MYO3A: variants seen among roughly 807,000 people sequenced by gnomAD.
MYO3A encodes myosin IIIA.
Under a neutral mutation model 192.7 loss-of-function variants are expected in MYO3A, and 180 were observed. The ratio of observed to expected loss-of-function variants is 0.93; its 90% confidence interval spans 0.83 to 1.06. MYO3A has a LOEUF of 1.06. Among genes scored for constraint, MYO3A ranks in the 50% least tolerant of loss-of-function variants. MYO3A has a pLI of 0.00. For missense variants in MYO3A, 1,896 were observed against 1,905.0 expected (o/e 1.00, Z 0.09); for synonymous variants, 628 against 645.3 (o/e 0.97, Z 0.41).
chr10:26,165,238 A>T (rs1438865494), intron 26 of MYO3A, among the ~76,000 whole-genome samples: 2 of 152,140 alleles, frequency 1.3e-5, no homozygotes, highest in Non-Finnish European at 2.9e-5. Context: ...TCACCGTGCC[A>T]CCTCAGCCGT....
intron 34 of MYO3A, among the ~76,000 whole-genome samples, chr10:26,207,858 G>A (rs1489259577): frequency 6.6e-6 from 1 of 152,132 alleles, no homozygotes; most frequent in Non-Finnish European, 1.5e-5. Flanking sequence ...GTAGATTGCT[G>A]TGGGTAGTAT....
intron 4 of MYO3A, among the ~76,000 whole-genome samples, chr10:25,985,792 T>C (rs1839616688): frequency 6.6e-6 from 1 of 152,224 alleles, no homozygotes; most frequent in African/African-American, 2.4e-5. Flanking sequence ...CCAATCCTAT[T>C]GATACTATTC....
At chr10:26,056,007 C>T (rs1203674921) in intron 10 of MYO3A, among the ~76,000 whole-genome samples, 1 of 152,170 alleles carries the variant, frequency 6.6e-6, no homozygotes, top group African/African-American at 2.4e-5. Context: ...GCATCAGAAC[C>T]ATACTTAGAT....
In MYO3A at chr10:26,183,480, G is replaced by A. The variant is rs538748838; in HGVS notation, c.4438+6635G>A. 3.2e-4 allele frequency among the ~76,000 whole-genome samples: 48 copies of A among 152,170 alleles called. 1 individual carries two copies. The highest frequency in any genetic ancestry group is 8.4e-4 in the African/African-American group (35 of 41,514). ...GGAGCTTGCAGTGAGCCAAGATTGCGCCACTGCACTCCAGCCTGGGCAACA... is the reference window on the plus strand; with the variant it reads ...GGAGCTTGCAGTGAGCCAAGATTGCACCACTGCACTCCAGCCTGGGCAACA... On this transcript the variant is annotated intron_variant, in intron 31 of 34. Coordinates refer to ENST00000642920, the MANE Select transcript of MYO3A (RefSeq NM_017433.5).
chr10:25,935,010 C>G (rs1189117960), intron 1 of MYO3A, among the ~76,000 whole-genome samples: 1 of 151,998 alleles, frequency 6.6e-6, no homozygotes, highest in Non-Finnish European at 1.5e-5. Context: ...GGTGTCGCCT[C>G]GGAGACCTGT....
chr10:26,182,269 C>T lies in MYO3A; in HGVS notation c.4438+5424C>T, dbSNP rs928211279. On this transcript the variant is annotated intron_variant, in intron 31 of 34. Transcript: ENST00000642920. ...ACCTGGTAGAGGACTTCCACAGCCACATGTGGTAAGACTAGAGTGTCATCT... is the reference window on the plus strand; with the variant it reads ...ACCTGGTAGAGGACTTCCACAGCCATATGTGGTAAGACTAGAGTGTCATCT... Among the ~76,000 whole-genome samples the T allele has an allele frequency of 3.9e-5, 6 of 152,310 alleles. No homozygotes were observed. The East Asian group carries it at 9.6e-4, about 24-fold the overall frequency.
intron 2 of MYO3A, among the ~76,000 whole-genome samples, chr10:25,951,394 C>T (rs1450643568): frequency 2.6e-5 from 4 of 152,002 alleles, no homozygotes; most frequent in African/African-American, 9.7e-5. Flanking sequence ...GGAGAGTAGT[C>T]ACACTTGTAT....
chr10:26,054,855 G>T (rs2131306884), intron 10 of MYO3A, among the ~76,000 whole-genome samples: 1 of 152,344 alleles, frequency 6.6e-6, no homozygotes, highest in South Asian at 2.1e-4. Flanking sequence ...TGAATTTCCA[G>T]ATGAAACTGA....
At chr10:25,992,564 G>A in intron 4 of MYO3A, among the ~76,000 whole-genome samples, 1 of 152,082 alleles carries the variant, frequency 6.6e-6, no homozygotes, top group Non-Finnish European at 1.5e-5. Flanking sequence ...GGAGTGGTGA[G>A]AGAGGGCATC....
intron 20 of MYO3A, among the ~76,000 whole-genome samples, chr10:26,141,755 TTTTCTTATACTGGATA>T (rs544358342): frequency 1.8e-4 from 28 of 152,362 alleles, no homozygotes; most frequent in African/African-American, 5.3e-4. Context: ...ATCGTTTTCA[TTTTCTTATACTGGATA>T]AGCTAAATGC....
At chr10:26,099,960 T>A (rs949209771) in intron 17 of MYO3A, among the ~76,000 whole-genome samples, 1 of 152,224 alleles carries the variant, frequency 6.6e-6, no homozygotes, top group Admixed American at 6.5e-5. Context: ...CTTTTTCTAT[T>A]GATAGGAATA....
chr10:26,071,556 T>A (rs1383592178), intron 14 of MYO3A, among the ~76,000 whole-genome samples: 1 of 152,138 alleles, frequency 6.6e-6, no homozygotes, highest in Non-Finnish European at 1.5e-5. Context: ...AGAATGTCTG[T>A]TCTCTGAGGA....
chr10:26,064,368 T>C (rs889034432), intron 10 of MYO3A, among the ~76,000 whole-genome samples: 10 of 152,046 alleles, frequency 6.6e-5, no homozygotes, highest in African/African-American at 2.4e-4. Flanking sequence ...GCCAATGAGG[T>C]TGGAAAGAAT....
chr10:25,952,062 A>C (rs1002852331), intron 2 of MYO3A, 32 bp from the exon 3 acceptor site: 1 of 1,513,896 alleles, frequency 6.6e-7, no homozygotes, highest in African/African-American at 1.4e-5. Flanking sequence ...TCCTCAATCA[A>C]CTGTAGATGA....
intron 4 of MYO3A, among the ~76,000 whole-genome samples, chr10:25,985,388 G>GAAAC (rs142523210): frequency 0.03 from 4,496 of 151,710 alleles, 234 homozygotes; most frequent in African/African-American, 0.1. Flanking sequence ...AAATGGAATT[G>GAAAC]AAACAAACAA....
chr10:26,084,004 T>C (rs1266414408), intron 14 of MYO3A, among the ~76,000 whole-genome samples: 1 of 152,212 alleles, frequency 6.6e-6, no homozygotes, highest in Non-Finnish European at 1.5e-5. Context: ...TTCTAGATAG[T>C]TCGTAAGAAT....
At chr10:26,102,381 T>C (rs938631211) in intron 17 of MYO3A, among the ~76,000 whole-genome samples, 1 of 152,244 alleles carries the variant, frequency 6.6e-6, no homozygotes, top group African/African-American at 2.4e-5. Context: ...ACCGATCATC[T>C]GAAGTCTTCT....
At chr10:26,184,214 AG>A (rs1842758075) in intron 31 of MYO3A, among the ~76,000 whole-genome samples, 1 of 152,228 alleles carries the variant, frequency 6.6e-6, no homozygotes. Flanking sequence ...AGCCTGGCCA[AG>A]GGCAGATGAG....
At chr10:26,073,123 C>T (rs2131404269) in intron 14 of MYO3A, among the ~76,000 whole-genome samples, 1 of 152,076 alleles carries the variant, frequency 6.6e-6, no homozygotes, top group Non-Finnish European at 1.5e-5. Flanking sequence ...ACTTGGGAAG[C>T]TGAAGTGGAA....
Sources: allele counts gnomAD v4.1 joint callset (sites outside exome capture counted in the v4.1 genomes callset), GRCh38; gene constraint gnomAD v4.1.1; transcripts MANE v1.5; gene names NCBI Gene and HGNC (gene_info 2026-07-23, HGNC 2026-07-21).